YAP1: variants seen among roughly 807,000 people sequenced by gnomAD.
YAP1 encodes the protein Yes1 associated transcriptional regulator, also known as transcriptional coactivator YAP1.
Under a neutral mutation model 56.9 loss-of-function variants are expected in YAP1, and 5 were observed. The ratio of observed to expected loss-of-function variants is 0.09; its 90% CI spans 0.05 to 0.18. YAP1 has a LOEUF of 0.18. Ranked by LOEUF, YAP1 falls within the 10% of genes least tolerant of loss-of-function variation. The pLI, the probability that YAP1 is intolerant of heterozygous loss-of-function variation, is 1.00. For missense variants in YAP1, 539 were observed against 651.8 expected, an observed-to-expected ratio of 0.83 and a Z score of 1.88; for synonymous variants, 265 against 248.1, an observed-to-expected ratio of 1.07 and a Z score of -0.64.
At chr11:102,115,351 C>T (rs1943211649) in intron 2 of YAP1, among the ~76,000 whole-genome samples, 1 of 152,164 alleles carries the variant, frequency 6.6e-6, no homozygotes, top group South Asian at 2.1e-4. Context: ...TAGGTCTTGA[C>T]AGTCTACTCC....
intron 2 of YAP1, among the ~76,000 whole-genome samples, chr11:102,124,395 T>C (rs1441519414): frequency 6.6e-6 from 1 of 152,208 alleles, no homozygotes. Flanking sequence ...CAACAATGCC[T>C]AGTCATGTAT....
intron 4 of YAP1, 61 bp from the exon 5 acceptor site, chr11:102,205,832 C>G: frequency 7.1e-7 from 1 of 1,415,100 alleles, no homozygotes. Flanking sequence ...ATAATTAAAT[C>G]ATCATTTTAT....
chr11:102,203,883 T>C (rs10895272), intron 4 of YAP1, among the ~76,000 whole-genome samples: 45,748 of 152,050 alleles, frequency 0.3, 7,153 homozygotes, highest in East Asian at 0.36. Flanking sequence ...TGTAAATGAA[T>C]TAAGTTCAAT....
intron 3 of YAP1, among the ~76,000 whole-genome samples, chr11:102,171,028 A>C (rs1946872666): frequency 6.6e-6 from 1 of 151,986 alleles, no homozygotes; most frequent in South Asian, 2.1e-4. Flanking sequence ...CAGCTCTCTT[A>C]ATAAATGACT....
chr11:102,157,102 C>T (rs1307342469), intron 2 of YAP1, among the ~76,000 whole-genome samples: 1 of 152,150 alleles, frequency 6.6e-6, no homozygotes. Context: ...TAACAGCCTT[C>T]AGTGATAGCT....
At chr11:102,118,334 A>G (rs187289403) in intron 2 of YAP1, among the ~76,000 whole-genome samples, 48 of 152,302 alleles carry the variant, frequency 3.2e-4, no homozygotes, top group African/African-American at 9.6e-4. Context: ...CTTGGTATAC[A>G]ATTTAAAAAG....
At chr11:102,211,701 T>C (rs1949410357) in intron 6 of YAP1, among the ~76,000 whole-genome samples, 1 of 152,042 alleles carries the variant, frequency 6.6e-6, no homozygotes, top group Non-Finnish European at 1.5e-5. Flanking sequence ...AAGAGTCATG[T>C]CTTTTCTTCT....
chr11:102,170,691 G>A (rs896513959), intron 3 of YAP1, among the ~76,000 whole-genome samples: 1 of 152,046 alleles, frequency 6.6e-6, no homozygotes, highest in African/African-American at 2.4e-5. Flanking sequence ...AAGGTAGGCC[G>A]GGTGTGGTGG....
chr11:102,156,477 A>G lies in YAP1; in HGVS notation c.573-5979A>G, dbSNP rs1945951928. On this transcript the variant is annotated intron_variant, in intron 2 of 8. Transcript: ENST00000282441. ...AGACTTTCTGTAACTAAAATTTCTCAGGGCTGTTTTAAAATATTTCTTTAT... is the reference window on the plus strand; with the variant it reads ...AGACTTTCTGTAACTAAAATTTCTCGGGGCTGTTTTAAAATATTTCTTTAT... Among the ~76,000 whole-genome samples the G allele has an allele frequency of 2.6e-5, 4 of 152,280 alleles. No individual in the cohort carries two copies. The South Asian group carries it at 8.3e-4, about 32-fold the overall frequency.
chr11:102,221,819 T>C (rs773822299), intron 6 of YAP1, among the ~76,000 whole-genome samples: 24 of 152,270 alleles, frequency 1.6e-4, no homozygotes, highest in Middle Eastern at 6.8e-3. Flanking sequence ...TTTTAAAATA[T>C]TTGCAACAAC....
At position 102,111,052 on chromosome 11, in the gene YAP1, C is replaced by T. The variant is rs201354835; in HGVS notation, c.204C>T (p.Leu68=). The T allele has an allele frequency of 2.7e-5, 43 of 1,612,990 alleles. No individual in the cohort carries two copies. In the South Asian group the frequency reaches 3.5e-4, roughly 13 times the overall value. Residue 68 remains leucine, a synonymous_variant, in exon 1 of 9, where the codon CTC becomes CTT. Coordinates refer to ENST00000282441, the MANE Select transcript of YAP1 (RefSeq NM_001130145.3). ...ACTCGGAGACCGACCTGGAGGCGCTCTTCAACGCCGTCATGAACCCCAAGA... is the reference window on the plus strand; with the variant it reads ...ACTCGGAGACCGACCTGGAGGCGCTTTTCAACGCCGTCATGAACCCCAAGA... ...RGDSETDLEA[L]FNAVMNPKTA... is the part of the protein sequence containing the mutation.
chr11:102,205,170 C>T (rs1260279802), intron 4 of YAP1, among the ~76,000 whole-genome samples: 2 of 140,408 alleles, frequency 1.4e-5, no homozygotes, highest in Admixed American at 1.5e-4. Flanking sequence ...TTTTTTTTTA[C>T]TACCTAGGCT....
intron 2 of YAP1, among the ~76,000 whole-genome samples, chr11:102,118,416 T>G (rs1163183477): frequency 6.6e-6 from 1 of 151,982 alleles, no homozygotes; most frequent in East Asian, 1.9e-4. Flanking sequence ...ATTTGCCTTG[T>G]AGATGTGATT....
At chr11:102,148,599 A>G (rs1291646600) in intron 2 of YAP1, among the ~76,000 whole-genome samples, 1 of 152,186 alleles carries the variant, frequency 6.6e-6, no homozygotes, top group Non-Finnish European at 1.5e-5. Context: ...ACTTGGGGGT[A>G]ACCATACAGC....
intron 2 of YAP1, among the ~76,000 whole-genome samples, chr11:102,154,744 G>T (rs957897286): frequency 1.3e-5 from 2 of 152,082 alleles, no homozygotes; most frequent in East Asian, 1.9e-4. Context: ...TTAGCCAAGG[G>T]TTCCCTTACT....
At chr11:102,133,777 TAGTC>T (rs1296213733) in intron 2 of YAP1, among the ~76,000 whole-genome samples, 2 of 152,218 alleles carry the variant, frequency 1.3e-5, no homozygotes, top group Admixed American at 6.5e-5. Flanking sequence ...CTAGTTATCT[TAGTC>T]AGCTTGGGCA....
chr11:102,208,876 T>A (rs1171129067), intron 5 of YAP1, among the ~76,000 whole-genome samples: 1 of 152,222 alleles, frequency 6.6e-6, no homozygotes, highest in Admixed American at 6.5e-5. Flanking sequence ...ATGCCATAGA[T>A]CATCCTGGGG....
chr11:102,192,300 C>T (rs1259438089), intron 4 of YAP1, among the ~76,000 whole-genome samples: 1 of 152,182 alleles, frequency 6.6e-6, no homozygotes, highest in East Asian at 1.9e-4. Flanking sequence ...ACTCACTTCT[C>T]TGGATGTCCT....
At chr11:102,160,933 C>A (rs539838843) in intron 2 of YAP1, among the ~76,000 whole-genome samples, 2 of 152,204 alleles carry the variant, frequency 1.3e-5, no homozygotes, top group South Asian at 4.1e-4. Flanking sequence ...CTCATAACCA[C>A]CTATTTAGCT....
Sources: gnomAD v4.1 joint callset for allele counts (sites outside exome capture counted in the v4.1 genomes callset) on GRCh38, gnomAD v4.1.1 for gene constraint, MANE v1.5 for transcripts, NCBI Gene and HGNC (gene_info 2026-07-23, HGNC 2026-07-21) for gene names.